DMRT1: variants seen among roughly 807,000 people sequenced by gnomAD.
DMRT1 encodes doublesex- and mab-3-related transcription factor 1.
A neutral mutation model predicts 32.3 loss-of-function variants in DMRT1; 7 were observed. The ratio of observed to expected loss-of-function variants is 0.22; its 90% confidence interval spans 0.12 to 0.41. The LOEUF (loss-of-function observed/expected upper bound fraction) is 0.41. DMRT1 is among the 10% of genes least tolerant of loss of function. The probability of loss-of-function intolerance (pLI) is 1.00; values close to 1 mark genes in which losing one functional copy is unlikely to be tolerated. For missense variants in DMRT1, 625 were observed against 500.5 expected, an observed-to-expected ratio of 1.25 and a Z score of -2.37; for synonymous variants, 278 against 206.1, an observed-to-expected ratio of 1.35 and a Z score of -2.99.
intron 4 of DMRT1, among the ~76,000 whole-genome samples, chr9:933,983 A>AT (rs1818806854): frequency 6.6e-6 from 1 of 151,940 alleles, no homozygotes; most frequent in Non-Finnish European, 1.5e-5. Context: ...TGCTAACAGA[A>AT]TTAGTTGATC....
intron 4 of DMRT1, among the ~76,000 whole-genome samples, chr9:946,441 G>A (rs1363829377): frequency 6.6e-6 from 1 of 152,138 alleles, no homozygotes; most frequent in African/African-American, 2.4e-5. Context: ...TGCAGTGCCT[G>A]AAGTGCCAGG....
At chr9:860,751 C>T (rs73384434) in intron 2 of DMRT1, among the ~76,000 whole-genome samples, 7,359 of 152,246 alleles carry the variant, frequency 0.048, 495 homozygotes, top group African/African-American at 0.15. Flanking sequence ...AGAAGGGAGG[C>T]CTCTCTAAGG....
chr9:894,106 G>A lies in DMRT1; in HGVS notation c.733G>A (p.Gly245Arg). 6.2e-7 allele frequency: 1 copy of A among 1,614,230 alleles called. No homozygotes were observed. Among genetic ancestry groups the A allele is most frequent in the Non-Finnish European group, 8.5e-7 (1 of 1,180,034 alleles). Residue 245 changes from glycine to arginine, a missense_variant, in exon 3 of 5, where the codon GGA (glycine) becomes AGA (arginine). By Grantham distance (125) the Gly-to-Arg change is moderately radical. This residue lies in a region of DMRT1 where 416 missense variants were observed against 321.6 expected (regional missense o/e 1.29). Coordinates refer to ENST00000382276, the MANE Select transcript of DMRT1 (RefSeq NM_021951.3). ...TGCTGATTCTGCTTCTGGGGAGGTG[G>A]GAAATCCCCTCGGGGGATCCCCTGT... Reference protein sequence around the residue: ...LAADSASGEVGNPLGGSPVKN... With the variant: ...LAADSASGEVRNPLGGSPVKN...
At chr9:935,280 G>A (rs971740443) in intron 4 of DMRT1, among the ~76,000 whole-genome samples, 9 of 152,144 alleles carry the variant, frequency 5.9e-5, no homozygotes, top group African/African-American at 1.4e-4. Flanking sequence ...CTAAAGAAAC[G>A]GACTATCAGA....
At position 896,686 on chromosome 9, in the gene DMRT1, G is replaced by A. The variant is rs370032854; in HGVS notation, c.822+2491G>A. ...AAATTAACTGGGCATGGTGGCGCACGCCTGTAATTCCAGCTACTCAGAAGG... is the reference window on the plus strand; with the variant it reads ...AAATTAACTGGGCATGGTGGCGCACACCTGTAATTCCAGCTACTCAGAAGG... On this transcript the variant is annotated intron_variant, in intron 3 of 4. Transcript: ENST00000382276. 1.1e-4 allele frequency among the ~76,000 whole-genome samples: 17 copies of A among 151,996 alleles called. No individual in the cohort carries two copies. In the East Asian group the frequency reaches 2.3e-3, roughly 21 times the overall value.
At chr9:901,954 C>A (rs1294661531) in intron 3 of DMRT1, among the ~76,000 whole-genome samples, 4 of 147,332 alleles carry the variant, frequency 2.7e-5, no homozygotes, top group African/African-American at 1.0e-4. Context: ...GCTCTGTTGC[C>A]CAGGCTAGAG....
intron 4 of DMRT1, among the ~76,000 whole-genome samples, chr9:966,217 G>A (rs1819926307): frequency 6.6e-6 from 1 of 152,116 alleles, no homozygotes; most frequent in African/African-American, 2.4e-5. Flanking sequence ...TACAAATTTA[G>A]TAAGATACTT....
chr9:940,497 T>TA (rs138206653), intron 4 of DMRT1, among the ~76,000 whole-genome samples: 30,084 of 148,902 alleles, frequency 0.2, 4,632 homozygotes, highest in African/African-American at 0.44. Flanking sequence ...GCTATCCACA[T>TA]AAAAAAAAAA....
chr9:909,196 C>A (rs976461759), intron 3 of DMRT1, among the ~76,000 whole-genome samples: 2 of 152,028 alleles, frequency 1.3e-5, no homozygotes, highest in Non-Finnish European at 2.9e-5. Flanking sequence ...GAAAGGAAGT[C>A]GGGAGGGGCG....
intron 4 of DMRT1, among the ~76,000 whole-genome samples, chr9:935,073 A>C (rs907135245): frequency 6.6e-6 from 1 of 152,238 alleles, no homozygotes; most frequent in East Asian, 1.9e-4. Context: ...CAGTGAGAAT[A>C]GTAGTGCATT....
rs541711566 is a variant in DMRT1 at position 953,106 on chromosome 9, G to A, written c.968-14879G>A. On this transcript the variant is annotated intron_variant, in intron 4 of 4. Coordinates refer to ENST00000382276, the MANE Select transcript of DMRT1 (RefSeq NM_021951.3). ...CTTTGTGTGTCCCTGTGAAGAATGC[G>A]GATTTGTTCATTGTTGGATGCAGAA... is the stretch of plus-strand genomic sequence containing the variant. Among the ~76,000 whole-genome samples the A allele has an allele frequency of 7.2e-5, 11 of 152,180 alleles. No homozygotes were observed. The South Asian group carries it at 1.5e-3, about 20-fold the overall frequency.
intron 4 of DMRT1, among the ~76,000 whole-genome samples, chr9:950,064 T>C (rs1438986425): frequency 6.6e-6 from 1 of 152,118 alleles, no homozygotes; most frequent in African/African-American, 2.4e-5. Context: ...TTCAATTCTT[T>C]GAATATACAC....
intron 4 of DMRT1, among the ~76,000 whole-genome samples, chr9:921,780 G>C (rs1384624938): frequency 6.6e-6 from 1 of 152,166 alleles, no homozygotes; most frequent in Non-Finnish European, 1.5e-5. Context: ...ACTTGGGAGG[G>C]TGAGGCAGGA....
chr9:872,555 T>C (rs115238074), intron 2 of DMRT1, among the ~76,000 whole-genome samples: 3,381 of 152,324 alleles, frequency 0.022, 86 homozygotes, highest in African/African-American at 0.066. Flanking sequence ...TCCAGACATT[T>C]CATGTAAATG....
At position 968,056 on chromosome 9, in the gene DMRT1, A is replaced by C; in HGVS notation, c.1039A>C (p.Ser347Arg). Residue 347 changes from serine (S) to arginine (R), a missense_variant, in exon 5 of 5, where the codon AGC becomes CGC. Around this residue, in one of 3 missense-constraint regions of DMRT1, gnomAD observed 416 missense variants for 321.6 expected, o/e 1.29. Transcript: ENST00000382276. The stretch of plus-strand genomic sequence containing the variant: ...GAGCAGCTCTCCTATTAGTAACAAG[A>C]GCACAAAGGCAGTGCTTGAATGTGA... ...LSSSSPISNK[S>R]TKAVLECEPA... The C allele has an allele frequency of 6.2e-7, 1 of 1,614,168 alleles. No individual in the cohort carries two copies. Among genetic ancestry groups the C allele is most frequent in the South Asian group, 1.1e-5 (1 of 91,078 alleles).
rs148804905 is a variant in DMRT1 at position 915,411 on chromosome 9, T to A, written c.823-1352T>A. Among the ~76,000 whole-genome samples the A allele has an allele frequency of 1.9e-4, 29 of 152,312 alleles. 1 individual carries two copies. In the Middle Eastern group the frequency reaches 0.01, roughly 54 times the overall value. Reference sequence around the variant, plus strand: ...AATCAGGAAGCCACAGGGAATGAACTGCTTCTTATATAAAAGCTATCTCAT... The same window carrying A: ...AATCAGGAAGCCACAGGGAATGAACAGCTTCTTATATAAAAGCTATCTCAT... On this transcript the variant is annotated intron_variant, in intron 3 of 4. Transcript: ENST00000382276.
intron 4 of DMRT1, among the ~76,000 whole-genome samples, chr9:919,321 CT>C (rs1818282205): frequency 6.7e-6 from 1 of 148,194 alleles, no homozygotes; most frequent in South Asian, 2.1e-4. Flanking sequence ...TAAATTTAAG[CT>C]TAGCTTCTCT....
chr9:908,973 C>G (rs1817878352), intron 3 of DMRT1, among the ~76,000 whole-genome samples: 1 of 152,132 alleles, frequency 6.6e-6, no homozygotes, highest in South Asian at 2.1e-4. Flanking sequence ...CACCCCTCAC[C>G]CCACACACGT....
intron 3 of DMRT1, among the ~76,000 whole-genome samples, chr9:898,128 T>G (rs1448027650): frequency 6.6e-6 from 1 of 152,186 alleles, no homozygotes; most frequent in Non-Finnish European, 1.5e-5. Context: ...ATTGTTGTTT[T>G]TCTTTTTTTG....
Sources: allele counts gnomAD v4.1 joint callset (sites outside exome capture counted in the v4.1 genomes callset), GRCh38; gene constraint gnomAD v4.1.1; regional missense constraint gnomAD v4.1.1; transcripts MANE v1.5; gene names NCBI Gene and HGNC (gene_info 2026-07-23, HGNC 2026-07-21).